Variants in ABCB11 observed in about 807,000 individuals in gnomAD.
ABCB11 encodes the protein bile salt export pump.
In ABCB11, 95 loss-of-function variants were observed where a neutral mutation model predicts 148.0. That is an observed-to-expected ratio of 0.64 (90% confidence interval 0.54 to 0.76). The LOEUF (loss-of-function observed/expected upper bound fraction) is 0.76. Among genes scored for constraint, ABCB11 ranks in the 30% least tolerant of loss-of-function variants. ABCB11 has a pLI of 0.00. For missense variants in ABCB11, 1,523 were observed against 1,617.8 expected (o/e 0.94, Z 1.01); for synonymous variants, 591 against 555.4 (o/e 1.06, Z -0.90).
intron 22 of ABCB11, 68 bp downstream of exon 22, chr2:168,936,162 C>T (rs1038132194): frequency 5.5e-6 from 8 of 1,461,594 alleles, no homozygotes; most frequent in African/African-American, 2.8e-5. Flanking sequence ...TCGTACTACT[C>T]GTTTTTAACA....
rs3755158 is a variant in ABCB11, at chr2:168,935,678, C to G, written c.2815-253G>C. 0.17 allele frequency among the ~76,000 whole-genome samples: 26,587 copies of G among 152,094 alleles called. 2,858 individuals carry two copies. The highest frequency in any genetic ancestry group is 0.35 in the East Asian group (1,785 of 5,172). ...TATGCTACCATCCCTCATTTACCCC[C>G]CAAGGACAAGATATTAATTAGAACA... On this transcript the variant is annotated intron_variant, in intron 22 of 27. Transcript: ENST00000650372.
At chr2:168,933,684 G>A (rs892094507) in intron 23 of ABCB11, among the ~76,000 whole-genome samples, 1 of 152,162 alleles carries the variant, frequency 6.6e-6, no homozygotes, top group Admixed American at 6.5e-5. Flanking sequence ...AATGGAAAAT[G>A]GTGGAAGATG....
At position 168,961,395 on chromosome 2, in the gene ABCB11, G is replaced by A. The variant is rs150465974; in HGVS notation, c.2178+2811C>T. On this transcript the variant is annotated intron_variant, in intron 18 of 27. Transcript: ENST00000650372. Reference sequence around the variant, plus strand: ...AAAAAGTGGTAACTATGACAAAGGAGCAGAGATTTTTCAAATGAACTAATA... The same window carrying A: ...AAAAAGTGGTAACTATGACAAAGGAACAGAGATTTTTCAAATGAACTAATA... 5.7e-3 allele frequency among the ~76,000 whole-genome samples: 871 copies of A among 151,840 alleles called. 8 individuals carry two copies. The highest frequency in any genetic ancestry group is 7.7e-3 in the Non-Finnish European group (522 of 67,790).
intron 1 of ABCB11, among the ~76,000 whole-genome samples, chr2:169,019,954 C>G (rs1266785215): frequency 6.6e-6 from 1 of 152,108 alleles, no homozygotes; most frequent in Admixed American, 6.5e-5. Flanking sequence ...AGAGGATGTG[C>G]CTTAGCCAGA....
At chr2:168,937,633 T>C (rs1691888891) in intron 21 of ABCB11, among the ~76,000 whole-genome samples, 1 of 152,242 alleles carries the variant, frequency 6.6e-6, no homozygotes, top group African/African-American at 2.4e-5. Context: ...TTTGGCTTGT[T>C]TGAAGATATC....
intron 5 of ABCB11, among the ~76,000 whole-genome samples, chr2:169,011,346 A>C (rs948055588): frequency 6.6e-6 from 1 of 152,108 alleles, no homozygotes; most frequent in African/African-American, 2.4e-5. Context: ...TTGTGGTCAA[A>C]CCCCTCTGTA....
At chr2:168,993,674 T>C in intron 8 of ABCB11, 37 bp downstream of exon 8, 1 of 1,585,240 alleles carries the variant, frequency 6.3e-7, no homozygotes. Context: ...TGAAGGCAAA[T>C]GTCTTCCCAT....
chr2:168,964,122 C>T (rs1693193543), intron 18 of ABCB11, 84 bp downstream of exon 18: 1 of 993,488 alleles, frequency 1.0e-6, no homozygotes, highest in African/African-American at 1.6e-5. Context: ...ACCTAGAAAA[C>T]TCATATTCTC....
intron 5 of ABCB11, among the ~76,000 whole-genome samples, chr2:168,999,715 A>G (rs536700456): frequency 6.6e-6 from 1 of 152,134 alleles, no homozygotes; most frequent in East Asian, 1.9e-4. Context: ...TTGTTTAACC[A>G]CTCATCCTTT....
At chr2:168,983,174 T>C (rs1036434596) in intron 10 of ABCB11, among the ~76,000 whole-genome samples, 3 of 152,200 alleles carry the variant, frequency 2.0e-5, no homozygotes, top group Admixed American at 6.5e-5. Context: ...CTTTTCCCTC[T>C]GAACCATTAT....
chr2:168,961,746 C>T (rs1693086232), intron 18 of ABCB11, among the ~76,000 whole-genome samples: 1 of 151,734 alleles, frequency 6.6e-6, no homozygotes, highest in Non-Finnish European at 1.5e-5. Flanking sequence ...ACCAACTAAC[C>T]ATGAGACCTT....
Position 168,920,795 on chromosome 2 carries a change from T to C in ABCB11, c.*2827A>G, listed in dbSNP as rs1691051298. Among the ~76,000 whole-genome samples the C allele has an allele frequency of 6.6e-6, 1 of 152,222 alleles. No individual in the cohort carries two copies. Among genetic ancestry groups the C allele is most frequent in the Non-Finnish European group, 1.5e-5 (1 of 68,034 alleles). On this transcript the variant is annotated 3_prime_UTR_variant, in exon 28 of 28. Coordinates refer to ENST00000650372, the MANE Select transcript of ABCB11 (RefSeq NM_003742.4). ...GCCCCCTGGTGTTGTAAAATAAACA[T>C]GCAATGTTATTTATTTATTCATTTT...
chr2:168,927,866 CAACA>C (rs1426977592), intron 25 of ABCB11, among the ~76,000 whole-genome samples: 3 of 152,166 alleles, frequency 2.0e-5, no homozygotes, highest in African/African-American at 7.2e-5. Flanking sequence ...CTTAGTCAAT[CAACA>C]AACATATATT....
chr2:168,922,129 G>A lies in ABCB11; in HGVS notation c.*1493C>T, dbSNP rs1691097371. Among the ~76,000 whole-genome samples the A allele has an allele frequency of 6.6e-6, 1 of 152,148 alleles. No homozygotes were observed. The highest frequency in any genetic ancestry group is 1.9e-4 in the East Asian group (1 of 5,186). ...CTCCCAAAGTGCTGGGATTACAGGAGTGAGCCACAGCGCCTGGCCCGACCT... is the reference window on the plus strand; with the variant it reads ...CTCCCAAAGTGCTGGGATTACAGGAATGAGCCACAGCGCCTGGCCCGACCT... On this transcript the variant is annotated 3_prime_UTR_variant, in exon 28 of 28. Coordinates refer to ENST00000650372, the MANE Select transcript of ABCB11 (RefSeq NM_003742.4).
intron 9 of ABCB11, among the ~76,000 whole-genome samples, chr2:168,988,946 C>T (rs1694422780): frequency 6.6e-6 from 1 of 152,076 alleles, no homozygotes; most frequent in Non-Finnish European, 1.5e-5. Flanking sequence ...TGAGAAATGT[C>T]TATTCAGGTC....
chr2:169,018,389 T>C (rs921460877), intron 1 of ABCB11, among the ~76,000 whole-genome samples: 1 of 152,200 alleles, frequency 6.6e-6, no homozygotes, highest in Non-Finnish European at 1.5e-5. Context: ...TTTTTATAGC[T>C]TAATTATAGG....
intron 5 of ABCB11, among the ~76,000 whole-genome samples, chr2:169,002,647 G>A (rs978304745): frequency 6.6e-6 from 1 of 152,086 alleles, no homozygotes; most frequent in East Asian, 1.9e-4. Flanking sequence ...GATGCACCTC[G>A]AGTATATCAT....
At chr2:169,027,880 GGCT>G (rs2106077660) in intron 1 of ABCB11, among the ~76,000 whole-genome samples, 1 of 152,176 alleles carries the variant, frequency 6.6e-6, no homozygotes, top group South Asian at 2.1e-4. Context: ...ACTAGCAATT[GGCT>G]ATTGGTATTG....
chr2:168,987,391 T>C (rs1334543336), intron 9 of ABCB11, among the ~76,000 whole-genome samples: 1 of 152,180 alleles, frequency 6.6e-6, no homozygotes, highest in African/African-American at 2.4e-5. Flanking sequence ...TTCTTTTCAC[T>C]GGGAGTTAAT....
Sources: gnomAD v4.1 joint callset for allele counts (sites outside exome capture counted in the v4.1 genomes callset) on GRCh38, gnomAD v4.1.1 for gene constraint, MANE v1.5 for transcripts, NCBI Gene and HGNC (gene_info 2026-07-23, HGNC 2026-07-21) for gene names.